The following TNRC6C variants were observed in gnomAD, a reference collection of about 807,000 sequenced individuals.
TNRC6C encodes the protein trinucleotide repeat-containing gene 6C protein.
A neutral mutation model predicts 153.7 loss-of-function variants in TNRC6C; 20 were observed. That is an observed-to-expected ratio of 0.13 (90% CI 0.09 to 0.19). TNRC6C has a LOEUF of 0.19. TNRC6C is among the 10% of genes least tolerant of loss of function. The pLI is 1.00. For missense variants in TNRC6C, 1,987 were observed against 2,172.0 expected (o/e 0.91, Z 1.69); for synonymous variants, 811 against 841.4 (o/e 0.96, Z 0.63).
intron 1 of TNRC6C, among the ~76,000 whole-genome samples, chr17:77,980,894 G>A (rs555423387): frequency 7.2e-5 from 11 of 152,304 alleles, no homozygotes; most frequent in Admixed American, 1.3e-4. Context: ...CTGTTGCACC[G>A]CCCTCCTGGC....
intron 1 of TNRC6C, among the ~76,000 whole-genome samples, chr17:78,008,059 TC>T (rs1475191734): frequency 6.6e-6 from 1 of 152,234 alleles, no homozygotes; most frequent in African/African-American, 2.4e-5. Flanking sequence ...ACTAGTCTAA[TC>T]CGTTCTTAAT....
chr17:77,980,213 A>C (rs184729161), intron 1 of TNRC6C, among the ~76,000 whole-genome samples: 1 of 152,232 alleles, frequency 6.6e-6, no homozygotes, highest in Non-Finnish European at 1.5e-5. Context: ...AGGTGCAGCA[A>C]ACCACCATGG....
Position 77,976,931 on chromosome 17 carries a change from G to GAAAAAAA in TNRC6C, c.-38+17686_-38+17692dup, listed in dbSNP as rs57726847. 4.5e-4 allele frequency among the ~76,000 whole-genome samples: 21 copies of GAAAAAAA among 46,580 alleles called. 1 individual carries two copies. Among genetic ancestry groups the GAAAAAAA allele is most frequent in the African/African-American group, 1.7e-3 (18 of 10,702 alleles). 30.6% of individuals were successfully genotyped at this position (46,580 alleles called of 152,430 possible). ...GCGACAAGAGCAAGACTCCATCTCA[G>GAAAAAAA]AAAAAAAAAAAAAAAAAAAAAAAAA... On this transcript the variant is annotated intron_variant, in intron 1 of 22. Transcript: ENST00000636222.
intron 2 of TNRC6C, 103 bp from the exon 5 acceptor site, chr17:78,048,742 T>C (rs570297169): frequency 9.0e-7 from 1 of 1,115,050 alleles, no homozygotes; most frequent in Non-Finnish European, 1.1e-6. Context: ...TCATTCAGAT[T>C]TGAAGACTTG....
At chr17:78,091,341 A>G in intron 13 of TNRC6C, 99 bp from the exon 16 acceptor site, 1 of 1,289,948 alleles carries the variant, frequency 7.8e-7, no homozygotes, top group Non-Finnish European at 1.0e-6. Flanking sequence ...AAAAAAAAAA[A>G]TTTGCTGTAA....
intron 1 of TNRC6C, among the ~76,000 whole-genome samples, chr17:78,025,245 C>G (rs1490214051): frequency 6.6e-6 from 1 of 152,170 alleles, no homozygotes; most frequent in African/African-American, 2.4e-5. Context: ...ATCCCCCACT[C>G]CCCTGGCAAC....
At chr17:78,069,719 C>G (rs2072953991) in intron 5 of TNRC6C, among the ~76,000 whole-genome samples, 1 of 152,148 alleles carries the variant, frequency 6.6e-6, no homozygotes, top group East Asian at 1.9e-4. Context: ...AAAGGAAATT[C>G]TATCTATGTA....
intron 1 of TNRC6C, among the ~76,000 whole-genome samples, chr17:77,994,987 G>A (rs973444457): frequency 1.1e-4 from 16 of 152,160 alleles, no homozygotes; most frequent in African/African-American, 3.6e-4. Flanking sequence ...CTAATTTATG[G>A]GCTCCTCTAT....
intron 13 of TNRC6C, among the ~76,000 whole-genome samples, chr17:78,090,786 G>T (rs1007074907): frequency 2.0e-5 from 3 of 152,208 alleles, no homozygotes; most frequent in South Asian, 2.1e-4. Flanking sequence ...AAATAGTTCA[G>T]TTCCTTAAAA....
chr17:78,033,945 G>A (rs1277323390), intron 2 of TNRC6C, among the ~76,000 whole-genome samples: 2 of 152,124 alleles, frequency 1.3e-5, no homozygotes, highest in African/African-American at 2.4e-5. Flanking sequence ...CAAACCTGCC[G>A]TGGTCACCTA....
Position 78,104,984 on chromosome 17 carries a change from G to T in TNRC6C, c.*139G>T. The T allele has an allele frequency of 8.5e-7, 1 of 1,180,618 alleles. No individual in the cohort carries two copies. The highest frequency in any genetic ancestry group is 2.5e-5 in the South Asian group (1 of 39,412). The allele number at this position is 1,180,618 out of a possible 1,614,324, so 73.1% of individuals were successfully genotyped here. A position where few individuals can be genotyped will look rare whatever the true frequency, so the allele number is the denominator to read the frequency against. On this transcript the variant is annotated 3_prime_UTR_variant, in exon 20 of 20. Coordinates refer to ENST00000301624, the Ensembl canonical transcript of TNRC6C. This position sits in a 1 kb window ranked among gnomAD's most constrained non-coding sequence, Gnocchi z 6.2. ...CCAGGACTGAAGACGAACCTTGGCC[G>T]CAGTCCTTGCGAACTGTTCGCAAAA...
At chr17:78,068,809 G>C (rs1174401771) in intron 5 of TNRC6C, among the ~76,000 whole-genome samples, 1 of 151,960 alleles carries the variant, frequency 6.6e-6, no homozygotes, top group Non-Finnish European at 1.5e-5. Context: ...CAAAAAAAAA[G>C]ACACAAATGT....
intron 1 of TNRC6C, among the ~76,000 whole-genome samples, chr17:77,993,371 A>G (rs1472674353): frequency 6.6e-6 from 1 of 152,244 alleles, no homozygotes; most frequent in Non-Finnish European, 1.5e-5. Context: ...AGATTGGTAT[A>G]TGAACATAGT....
At chr17:78,072,898 T>C (rs2144311645) in intron 6 of TNRC6C, 139 bp from the exon 9 acceptor site, 1 of 577,676 alleles carries the variant, frequency 1.7e-6, no homozygotes, top group Admixed American at 3.4e-5. Flanking sequence ...ACATTGTCTC[T>C]AACCTCAACA....
intron 1 of TNRC6C, among the ~76,000 whole-genome samples, chr17:78,019,658 A>G (rs1416055472): frequency 6.6e-6 from 1 of 152,346 alleles, no homozygotes; most frequent in South Asian, 2.1e-4. Context: ...TTAAAATTAT[A>G]TATGTAGTTA....
chr17:78,087,165 G>A, intron 13 of TNRC6C, 72 bp downstream of exon 15: 1 of 1,558,288 alleles, frequency 6.4e-7, no homozygotes, highest in African/African-American at 1.4e-5. Context: ...TGGTAGCCAG[G>A]GCAGCATTTC....
intron 1 of TNRC6C, among the ~76,000 whole-genome samples, chr17:77,973,660 A>C (rs1228344647): frequency 6.6e-6 from 1 of 152,248 alleles, no homozygotes; most frequent in Non-Finnish European, 1.5e-5. Flanking sequence ...TTACAAGACC[A>C]GTGTTTGAAA....
chr17:78,015,568 C>G lies in TNRC6C; in HGVS notation c.-546+10489C>G, dbSNP rs561992132. Among the ~76,000 whole-genome samples, 8 of 152,310 alleles carry G rather than the reference C, an allele frequency of 5.3e-5. No individual in the cohort carries two copies. The South Asian group carries it at 8.3e-4, about 16-fold the overall frequency. On this transcript the variant is annotated intron_variant, in intron 1 of 19. Transcript: ENST00000301624. ...CCATTACTGGGAAACAGTGGTATACCTAGCTCATACCACATACTGTGATGT... is the reference window on the plus strand; with the variant it reads ...CCATTACTGGGAAACAGTGGTATACGTAGCTCATACCACATACTGTGATGT...
At chr17:78,100,770 CTTTTTTTT>C (rs56816459) in intron 17 of TNRC6C, among the ~76,000 whole-genome samples, 1 of 104,030 alleles carries the variant, frequency 9.6e-6, no homozygotes. Flanking sequence ...ATGGGATTTC[CTTTTTTTT>C]TTTTTTTTTT....
Sources: allele counts gnomAD v4.1 joint callset (sites outside exome capture counted in the v4.1 genomes callset), GRCh38; gene constraint gnomAD v4.1.1; non-coding constraint Gnocchi (gnomAD v3.1); transcripts MANE v1.5; gene names NCBI Gene and HGNC (gene_info 2026-07-23, HGNC 2026-07-21).